Variants in DAB1 observed in about 807,000 individuals in gnomAD.
The protein encoded by DAB1 is disabled homolog 1.
Under a neutral mutation model 64.6 loss-of-function variants are expected in DAB1, and 15 were observed. The observed-to-expected ratio is 0.23, with a 90% CI of 0.16 to 0.36. The LOEUF is 0.36. Ranked by LOEUF, DAB1 falls within the 10% of genes least tolerant of loss-of-function variation. The probability of loss-of-function intolerance (pLI) is 1.00; values close to 1 mark genes in which losing one functional copy is unlikely to be tolerated. For synonymous variants in DAB1, 235 were observed against 251.9 expected, an observed-to-expected ratio of 0.93 and a Z score of 0.64; for missense variants, 596 against 706.7, an observed-to-expected ratio of 0.84 and a Z score of 1.78.
At chr1:57,784,239 C>A (rs928566406) in intron 6 of DAB1, among the ~76,000 whole-genome samples, 1 of 152,002 alleles carries the variant, frequency 6.6e-6, no homozygotes, top group Non-Finnish European at 1.5e-5. Context: ...CAAAAGAATA[C>A]AAAAATTAGC....
chr1:58,348,532 A>G (rs965005394), intron 3 of DAB1, among the ~76,000 whole-genome samples: 13 of 152,226 alleles, frequency 8.5e-5, no homozygotes, highest in Admixed American at 2.6e-4. Context: ...GTGATAGAAT[A>G]AAAAGAAAAT....
At chr1:58,518,363 GAGAAGAGAAGGGAAGAA>G (rs1646205882) in intron 2 of DAB1, among the ~76,000 whole-genome samples, 1 of 143,884 alleles carries the variant, frequency 7.0e-6, no homozygotes, top group South Asian at 2.3e-4. Context: ...GGGAAGGGAA[GAGAAGAGAAGGGAAGAA>G]AAGAAAAGAA....
intron 2 of DAB1, among the ~76,000 whole-genome samples, chr1:57,273,530 C>A (rs1022646279): frequency 3.6e-5 from 2 of 55,876 alleles, no homozygotes; most frequent in South Asian, 8.7e-4. Flanking sequence ...TGACTGCCTG[C>A]CTGCCTGCCT....
intron 5 of DAB1, among the ~76,000 whole-genome samples, chr1:58,147,347 G>C (rs1654658409): frequency 6.9e-6 from 1 of 145,300 alleles, no homozygotes. Context: ...CGCCAGGCGT[G>C]GTGGCTCATG....
intron 1 of DAB1, among the ~76,000 whole-genome samples, chr1:58,539,758 A>T (rs1358288935): frequency 2.0e-5 from 3 of 152,196 alleles, no homozygotes; most frequent in Non-Finnish European, 4.4e-5. Context: ...TGGGAAACAG[A>T]GCCCTACAAC....
intron 3 of DAB1, among the ~76,000 whole-genome samples, chr1:58,407,115 T>C (rs1644624033): frequency 1.3e-5 from 2 of 152,180 alleles, no homozygotes; most frequent in Non-Finnish European, 2.9e-5. Context: ...CCTTCCCTCC[T>C]CTCACCCCCA....
At chr1:57,840,551 G>C (rs1557510597) in intron 1 of DAB1, among the ~76,000 whole-genome samples, 1 of 150,970 alleles carries the variant, frequency 6.6e-6, no homozygotes. Context: ...GGTAATTTAT[G>C]AAAAAAAAAG....
Position 57,010,757 on chromosome 1 carries a change from G to T in DAB1, c.1606C>A (p.Pro536Thr). 1 of 1,596,758 alleles carries T rather than the reference G, an allele frequency of 6.3e-7. No individual in the cohort carries two copies. Among genetic ancestry groups the T allele is most frequent in the South Asian group, 1.1e-5 (1 of 88,952 alleles). The change falls in exon 14 of 15, where the codon CCA becomes ACA. Residue 536 changes from proline to threonine, a missense_variant. Coordinates refer to ENST00000371236, the MANE Select transcript of DAB1 (RefSeq NM_001365792.1). ...DGSQASSNSDPFGEPSGEPSG... is the reference protein window; with the variant it reads ...DGSQASSNSDTFGEPSGEPSG... ...GGCTCCCCACTGGGCTCACCAAATG[G>T]ATCACTGTTGGATGAGGCCTGTGAT...
rs144613336 is a variant in DAB1, at chr1:57,129,286, G to A, written c.306+7257C>T. Among the ~76,000 whole-genome samples, 247 of 152,182 alleles carry A rather than the reference G, an allele frequency of 1.6e-3. 1 individual carries two copies. The highest frequency in any genetic ancestry group is 3.4e-3 in the Middle Eastern group (1 of 292). The stretch of plus-strand genomic sequence containing the variant: ...CTCATGGAGGCAGGTTCCTGACAGT[G>A]CCAATTTCTAAAAATATGTTGATTT... On this transcript the variant is annotated intron_variant, in intron 4 of 14. Transcript: ENST00000371236.
chr1:57,368,113 C>T (rs1283292152), intron 1 of DAB1, among the ~76,000 whole-genome samples: 2 of 152,248 alleles, frequency 1.3e-5, no homozygotes, highest in African/African-American at 4.8e-5. Flanking sequence ...TGTGCACACA[C>T]TCAGGGCACT....
At chr1:58,191,132 C>T (rs1657367223) in intron 4 of DAB1, among the ~76,000 whole-genome samples, 1 of 152,180 alleles carries the variant, frequency 6.6e-6, no homozygotes, top group African/African-American at 2.4e-5. Context: ...TGGTGTAAGA[C>T]TCAGGTCATC....
chr1:57,463,068 G>T (rs976384608), intron 7 of DAB1, among the ~76,000 whole-genome samples: 1 of 152,074 alleles, frequency 6.6e-6, no homozygotes, highest in African/African-American at 2.4e-5. Flanking sequence ...AAACATAAAG[G>T]TAGCAAGGGC....
intron 2 of DAB1, among the ~76,000 whole-genome samples, chr1:57,270,441 T>C (rs961432057): frequency 3.9e-5 from 6 of 152,198 alleles, no homozygotes; most frequent in African/African-American, 1.4e-4. Context: ...ACAGACAGCA[T>C]ACTAAGTGCT....
chr1:58,497,817 G>T (rs904105128), intron 3 of DAB1, among the ~76,000 whole-genome samples: 1 of 152,162 alleles, frequency 6.6e-6, no homozygotes. Flanking sequence ...ACAACGTGGC[G>T]GCTTTCCCTG....
At chr1:57,622,324 C>A (rs892415014) in intron 7 of DAB1, among the ~76,000 whole-genome samples, 5 of 152,196 alleles carry the variant, frequency 3.3e-5, no homozygotes, top group Admixed American at 6.5e-5. Context: ...TTACCCCACT[C>A]ACACAGAAAA....
intron 4 of DAB1, among the ~76,000 whole-genome samples, chr1:58,192,128 T>C (rs898928963): frequency 2.0e-5 from 3 of 152,094 alleles, no homozygotes; most frequent in Admixed American, 6.5e-5. Context: ...TAAGAATCAA[T>C]AGCTAAGGAA....
intron 6 of DAB1, among the ~76,000 whole-genome samples, chr1:57,720,355 T>A (rs1207602289): frequency 6.6e-6 from 1 of 152,132 alleles, no homozygotes; most frequent in Admixed American, 6.6e-5. Flanking sequence ...ATTACAGAGG[T>A]GGGATGCAGT....
chr1:57,325,294 G>A (rs979129516), intron 1 of DAB1, among the ~76,000 whole-genome samples: 1 of 152,180 alleles, frequency 6.6e-6, no homozygotes, highest in Non-Finnish European at 1.5e-5. Flanking sequence ...CTCTTAGCCC[G>A]AGTTAGCCTC....
At chr1:57,186,257 G>T (rs554012092) in intron 2 of DAB1, among the ~76,000 whole-genome samples, 9 of 152,230 alleles carry the variant, frequency 5.9e-5, no homozygotes, top group Admixed American at 2.0e-4. Context: ...AACAGCCCCA[G>T]CTCTCAAGTC....
Sources: gnomAD v4.1 joint callset for allele counts (sites outside exome capture counted in the v4.1 genomes callset) on GRCh38, gnomAD v4.1.1 for gene constraint, MANE v1.5 for transcripts, NCBI Gene and HGNC (gene_info 2026-07-23, HGNC 2026-07-21) for gene names.